The following CHRM3 variants were observed in gnomAD, a reference collection of about 807,000 sequenced individuals.
CHRM3 encodes cholinergic receptor muscarinic 3.
CHRM3 carries 11 observed loss-of-function variants against 41.8 expected under a neutral mutation model. That is an observed-to-expected ratio of 0.26 (90% CI 0.17 to 0.44). CHRM3 has a LOEUF of 0.44. Among genes scored for constraint, CHRM3 ranks in the 20% least tolerant of loss-of-function variants. The probability of loss-of-function intolerance (pLI) is 1.00; values close to 1 mark genes in which losing one functional copy is unlikely to be tolerated. For missense variants in CHRM3, 571 were observed against 745.4 expected, an observed-to-expected ratio of 0.77 and a Z score of 2.72; for synonymous variants, 297 against 301.4, an observed-to-expected ratio of 0.99 and a Z score of 0.15.
Position 239,424,323 on chromosome 1 carries a change from TA to T in CHRM3, c.-521+37098del, listed in dbSNP as rs748872476. ...CAGGGTCTAGAACATAATCATTCAT[TA>T]ATGAATATTTATTGAATTAAATAAT... On this transcript the variant is annotated intron_variant, in intron 1 of 6. Transcript: ENST00000676153. Among the ~76,000 whole-genome samples, 7 of 151,846 alleles carry T rather than the reference TA, an allele frequency of 4.6e-5. No individual in the cohort carries two copies. In the East Asian group the frequency reaches 1.4e-3, roughly 30 times the overall value.
chr1:239,864,519 TACACACACACACACACAC>T (rs199613762), intron 6 of CHRM3, among the ~76,000 whole-genome samples: 3 of 148,038 alleles, frequency 2.0e-5, no homozygotes, highest in Non-Finnish European at 4.5e-5. Context: ...AAACAGAAAA[TACACACACACACACACAC>T]ACACACACGC....
chr1:239,717,206 A>C (rs1157694287), intron 5 of CHRM3, among the ~76,000 whole-genome samples: 1 of 152,152 alleles, frequency 6.6e-6, no homozygotes, highest in African/African-American at 2.4e-5. Context: ...TTATGGGTGT[A>C]TTAAAACTGT....
chr1:239,578,700 T>A (rs1426917695), intron 3 of CHRM3, among the ~76,000 whole-genome samples: 1 of 152,188 alleles, frequency 6.6e-6, no homozygotes, highest in Non-Finnish European at 1.5e-5. Flanking sequence ...AATTGCTATC[T>A]TTTTCAGCAT....
chr1:239,882,679 T>G (rs991376139), intron 6 of CHRM3, among the ~76,000 whole-genome samples: 1 of 152,174 alleles, frequency 6.6e-6, no homozygotes, highest in African/African-American at 2.4e-5. Context: ...TATACTAAAA[T>G]TGAAGGAAAA....
At chr1:239,750,882 T>A (rs772008001) in intron 5 of CHRM3, among the ~76,000 whole-genome samples, 35 of 152,186 alleles carry the variant, frequency 2.3e-4, no homozygotes, top group Non-Finnish European at 4.0e-4. Context: ...CTAAAGTTTT[T>A]CTTTTAACAC....
At chr1:239,633,034 G>A (rs1274397671) in intron 4 of CHRM3, among the ~76,000 whole-genome samples, 15 of 152,134 alleles carry the variant, frequency 9.9e-5, no homozygotes, top group Non-Finnish European at 1.6e-4. Context: ...GTGCAGTGGC[G>A]CCATCTCAGC....
At chr1:239,741,201 A>G (rs1161979835) in intron 5 of CHRM3, among the ~76,000 whole-genome samples, 1 of 152,188 alleles carries the variant, frequency 6.6e-6, no homozygotes, top group Non-Finnish European at 1.5e-5. Context: ...AGGTAAACTT[A>G]GATATTTTTA....
chr1:239,814,158 GGACGAGAAGTCAAATT>G (rs1671379610), intron 5 of CHRM3, among the ~76,000 whole-genome samples: 1 of 152,156 alleles, frequency 6.6e-6, no homozygotes. Flanking sequence ...AGGTGTCCCT[GGACGAGAAGTCAAATT>G]GTTAATTTTA....
At chr1:239,773,514 A>G (rs1441886252) in intron 5 of CHRM3, among the ~76,000 whole-genome samples, 1 of 152,104 alleles carries the variant, frequency 6.6e-6, no homozygotes, top group African/African-American at 2.4e-5. Flanking sequence ...TTTCATTCCC[A>G]TTCTCATTGC....
chr1:239,580,704 T>TATATATATATATATAC (rs570878631), intron 3 of CHRM3, among the ~76,000 whole-genome samples: 6 of 131,070 alleles, frequency 4.6e-5, no homozygotes, highest in South Asian at 2.4e-4. Context: ...TATATATATA[T>TATATATATATATATAC]ACACACACAC....
chr1:239,540,630 T>G (rs1558303259), intron 2 of CHRM3, among the ~76,000 whole-genome samples: 1 of 152,198 alleles, frequency 6.6e-6, no homozygotes, highest in Non-Finnish European at 1.5e-5. Flanking sequence ...GAACTTCAAA[T>G]AAGTTACCTA....
rs568112333 is a variant in CHRM3, at chr1:239,732,309, GT to G, written c.-147+54022del. Reference sequence around the variant, plus strand: ...TATACCTAATATCTCACTTAGATAAGTATACCTAATATCTCACTTAGATAAG... The same window carrying G: ...TATACCTAATATCTCACTTAGATAAGATACCTAATATCTCACTTAGATAAG... On this transcript the variant is annotated intron_variant, in intron 5 of 6. Transcript: ENST00000676153. 1.1e-4 allele frequency among the ~76,000 whole-genome samples: 10 copies of G among 93,224 alleles called. No individual in the cohort carries two copies. In the South Asian group the frequency reaches 3.0e-3, roughly 28 times the overall value. The allele number at this position is 93,224 out of a possible 152,430, so 61.2% of individuals were successfully genotyped here. A position where few individuals can be genotyped will look rare whatever the true frequency, so the allele number is the denominator to read the frequency against.
intron 1 of CHRM3, among the ~76,000 whole-genome samples, chr1:239,399,371 A>G (rs905800164): frequency 6.1e-5 from 9 of 148,432 alleles, no homozygotes; most frequent in Non-Finnish European, 1.3e-4. Flanking sequence ...ATGTTATAAG[A>G]TCTATTCTCT....
At chr1:239,540,657 T>A (rs1658688485) in intron 2 of CHRM3, among the ~76,000 whole-genome samples, 1 of 152,212 alleles carries the variant, frequency 6.6e-6, no homozygotes, top group South Asian at 2.1e-4. Context: ...CACGGTCTTA[T>A]TATTTTCAGC....
intron 1 of CHRM3, among the ~76,000 whole-genome samples, chr1:239,439,720 C>T (rs1349262852): frequency 6.6e-6 from 1 of 152,130 alleles, no homozygotes; most frequent in Non-Finnish European, 1.5e-5. Flanking sequence ...ATGGTCATTG[C>T]ATATCATTAT....
chr1:239,511,205 G>A (rs138049896), intron 2 of CHRM3, among the ~76,000 whole-genome samples: 22 of 152,284 alleles, frequency 1.4e-4, no homozygotes, highest in African/African-American at 5.3e-4. Flanking sequence ...ATTAACAACT[G>A]TGAAGACCAG....
chr1:239,618,770 G>A (rs1314980927), intron 3 of CHRM3, among the ~76,000 whole-genome samples: 1 of 148,684 alleles, frequency 6.7e-6, no homozygotes, highest in Non-Finnish European at 1.5e-5. Context: ...CGTGAACCCG[G>A]GAGGCGGAGC....
chr1:239,855,552 C>T (rs1433488283), intron 6 of CHRM3, among the ~76,000 whole-genome samples: 1 of 152,000 alleles, frequency 6.6e-6, no homozygotes, highest in Admixed American at 6.6e-5. Context: ...ATTTTACTAA[C>T]AGACTTTTTT....
chr1:239,520,537 A>C (rs1669571753), intron 2 of CHRM3, among the ~76,000 whole-genome samples: 1 of 152,110 alleles, frequency 6.6e-6, no homozygotes, highest in Non-Finnish European at 1.5e-5. Context: ...TGAGTGCTTC[A>C]TGAGGCCTCC....
Sources: allele counts gnomAD v4.1 joint callset (sites outside exome capture counted in the v4.1 genomes callset), GRCh38; gene constraint gnomAD v4.1.1; transcripts MANE v1.5; gene names NCBI Gene and HGNC (gene_info 2026-07-23, HGNC 2026-07-21).